The following ARHGEF38 variants were observed in gnomAD, a reference collection of about 807,000 sequenced individuals.
The protein encoded by ARHGEF38 is Rho guanine nucleotide exchange factor 38.
In ARHGEF38, 79 loss-of-function variants were observed where a neutral mutation model predicts 79.9. The observed-to-expected ratio is 0.99, with a 90% CI of 0.82 to 1.19. The LOEUF (loss-of-function observed/expected upper bound fraction) is 1.19, where lower values mean the gene tolerates loss of function less well. Ranked by LOEUF, ARHGEF38 falls within the 50% of genes most tolerant of loss-of-function variation. ARHGEF38 has a pLI of 0.00. For missense variants in ARHGEF38, 962 were observed against 907.2 expected (o/e 1.06, Z -0.78); for synonymous variants, 366 against 328.3 (o/e 1.11, Z -1.24).
chr4:105,652,703 G>A (rs1449362411), intron 7 of ARHGEF38, among the ~76,000 whole-genome samples: 3 of 143,586 alleles, frequency 2.1e-5, no homozygotes, highest in African/African-American at 2.9e-5. Flanking sequence ...ATCTGGTGAC[G>A]CCTCCTTGGA....
chr4:105,635,950 T>G (rs1729379579), intron 4 of ARHGEF38, among the ~76,000 whole-genome samples: 1 of 152,102 alleles, frequency 6.6e-6, no homozygotes, highest in African/African-American at 2.4e-5. Flanking sequence ...CCCCACCATT[T>G]TCCACATATA....
chr4:105,588,299 A>G (rs1391597518), intron 1 of ARHGEF38, among the ~76,000 whole-genome samples: 1 of 152,238 alleles, frequency 6.6e-6, no homozygotes, highest in Non-Finnish European at 1.5e-5. Context: ...GAATCATGTT[A>G]ACTTTAAATG....
intron 8 of ARHGEF38, among the ~76,000 whole-genome samples, chr4:105,654,980 A>G (rs569618507): frequency 3.9e-4 from 59 of 152,184 alleles, no homozygotes; most frequent in Non-Finnish European, 7.4e-4. Context: ...TTTGGAGACA[A>G]GTTTCCATGT....
chr4:105,607,159 T>G (rs1050894465), intron 2 of ARHGEF38, among the ~76,000 whole-genome samples: 2 of 152,100 alleles, frequency 1.3e-5, no homozygotes, highest in East Asian at 3.9e-4. Flanking sequence ...GTCGCAGGTG[T>G]AAACTAGAGG....
intron 1 of ARHGEF38, among the ~76,000 whole-genome samples, chr4:105,574,372 C>T (rs1726380140): frequency 6.6e-6 from 1 of 151,868 alleles, no homozygotes; most frequent in Admixed American, 6.6e-5. Context: ...ATAGTGAAAC[C>T]CCATTTCTAC....
At chr4:105,621,718 ATTT>A (rs1437119245) in intron 3 of ARHGEF38, among the ~76,000 whole-genome samples, 1 of 152,098 alleles carries the variant, frequency 6.6e-6, no homozygotes, top group Admixed American at 6.5e-5. Flanking sequence ...ACTTAAATGA[ATTT>A]TTCAGGATTA....
At chr4:105,578,902 G>T (rs199318) in intron 1 of ARHGEF38, among the ~76,000 whole-genome samples, 147,831 of 152,280 alleles carry the variant, frequency 0.97, 71,760 homozygotes, top group East Asian at 1. Context: ...CCACTTACAT[G>T]TAACATTGAG....
intron 13 of ARHGEF38, among the ~76,000 whole-genome samples, chr4:105,672,686 T>C (rs1029131011): frequency 2.6e-5 from 4 of 152,208 alleles, no homozygotes; most frequent in Non-Finnish European, 4.4e-5. Context: ...AAGCACGGTT[T>C]AGCTGGATGC....
chr4:105,604,593 GA>G (rs1182483947), intron 2 of ARHGEF38, among the ~76,000 whole-genome samples: 3 of 151,910 alleles, frequency 2.0e-5, no homozygotes, highest in African/African-American at 7.3e-5. Context: ...ATTAAGTCTG[GA>G]AAAAAATGGG....
intron 1 of ARHGEF38, among the ~76,000 whole-genome samples, chr4:105,562,321 G>A (rs930240273): frequency 1.3e-5 from 2 of 152,118 alleles, no homozygotes; most frequent in Non-Finnish European, 2.9e-5. Context: ...AAAAGACTTA[G>A]CATTTAAGCA....
At chr4:105,581,021 CA>C (rs1302953223) in intron 1 of ARHGEF38, among the ~76,000 whole-genome samples, 10 of 152,014 alleles carry the variant, frequency 6.6e-5, no homozygotes, top group Non-Finnish European at 1.2e-4. Flanking sequence ...GTCTAGAGGG[CA>C]TAATAGAGAC....
At chr4:105,574,778 T>C (rs928091104) in intron 1 of ARHGEF38, among the ~76,000 whole-genome samples, 31 of 152,170 alleles carry the variant, frequency 2.0e-4, no homozygotes, top group African/African-American at 7.2e-4. Context: ...GTTACATAGA[T>C]TGATTATATA....
chr4:105,617,152 CT>C (rs1300306354), intron 3 of ARHGEF38, among the ~76,000 whole-genome samples: 1 of 152,100 alleles, frequency 6.6e-6, no homozygotes, highest in Non-Finnish European at 1.5e-5. Context: ...CAAAGAAAAG[CT>C]TTTAGAAGTT....
At chr4:105,555,965 T>C (rs979514117) in intron 1 of ARHGEF38, among the ~76,000 whole-genome samples, 9 of 152,308 alleles carry the variant, frequency 5.9e-5, no homozygotes, top group Admixed American at 5.9e-4. Flanking sequence ...AACATGGCTC[T>C]AACCAGGACA....
intron 3 of ARHGEF38, among the ~76,000 whole-genome samples, chr4:105,629,693 C>G (rs1729100810): frequency 6.6e-6 from 1 of 151,850 alleles, no homozygotes; most frequent in Non-Finnish European, 1.5e-5. Flanking sequence ...TAATACTTAT[C>G]TTTAAGTAAT....
chr4:105,586,583 A>G lies in ARHGEF38; in HGVS notation c.197-2665A>G, dbSNP rs1480382991. ...GTTAACATTGTGATTGAGTCCTGGA[A>G]TTTAGAACTAAAAGGAACCCAAATG... On this transcript the variant is annotated intron_variant, in intron 1 of 13. Coordinates refer to ENST00000420470, the MANE Select transcript of ARHGEF38 (RefSeq NM_001242729.2). 3.3e-5 allele frequency among the ~76,000 whole-genome samples: 5 copies of G among 152,232 alleles called. No homozygotes were observed. The East Asian group carries it at 7.7e-4, about 23-fold the overall frequency.
In ARHGEF38 at chr4:105,571,393, G is replaced by A. The variant is rs187451536; in HGVS notation, c.197-17855G>A. On this transcript the variant is annotated intron_variant, in intron 1 of 13. Coordinates refer to ENST00000420470, the MANE Select transcript of ARHGEF38 (RefSeq NM_001242729.2). ...GCTGGAGTGCAATGGCGCAATCTTG[G>A]CTCACTGCAAGCTCCACCTCCCAGG... 7.4e-3 allele frequency among the ~76,000 whole-genome samples: 1,060 copies of A among 143,990 alleles called. 6 individuals carry two copies. Among genetic ancestry groups the A allele is most frequent in the Non-Finnish European group, 0.012 (825 of 67,146 alleles). The allele number at this position is 143,990 out of a possible 152,430, so 94.5% of individuals were successfully genotyped here. A position where few individuals can be genotyped will look rare whatever the true frequency, so the allele number is the denominator to read the frequency against.
At chr4:105,600,086 G>C (rs1214354246) in intron 2 of ARHGEF38, among the ~76,000 whole-genome samples, 1 of 152,146 alleles carries the variant, frequency 6.6e-6, no homozygotes, top group Non-Finnish European at 1.5e-5. Context: ...CAAATTAAAA[G>C]ATTAAATGTT....
At position 105,677,903 on chromosome 4, in the gene ARHGEF38, C is replaced by T. The variant is rs1315035247; in HGVS notation, c.2300C>T (p.Pro767Leu). ...GCTCAAGGGCAGAAAGGATACGTGC[C>T]AGCTAACTACCTTGGAAAGATGACT... The part of the protein sequence containing the change: ...AEAQGQKGYV[P>L]ANYLGKMTYA Residue 767 changes from proline to leucine, a missense_variant, in exon 14 of 14, where the codon CCA becomes CTA. Physicochemically the swap from Pro to Leu is moderately conservative, Grantham distance 98. Coordinates refer to ENST00000420470, the MANE Select transcript of ARHGEF38 (RefSeq NM_001242729.2). The T allele has an allele frequency of 1.3e-6, 2 of 1,530,800 alleles. No homozygotes were observed. The highest frequency in any genetic ancestry group is 2.4e-5 in the East Asian group (1 of 40,880). The allele number at this position is 1,530,800 out of a possible 1,614,324, so 94.8% of individuals were successfully genotyped here. A position where few individuals can be genotyped will look rare whatever the true frequency, so the allele number is the denominator to read the frequency against.
Sources: allele counts gnomAD v4.1 joint callset (sites outside exome capture counted in the v4.1 genomes callset), GRCh38; gene constraint gnomAD v4.1.1; transcripts MANE v1.5; gene names NCBI Gene and HGNC (gene_info 2026-07-23, HGNC 2026-07-21).